PTPRK: variants seen among roughly 807,000 people sequenced by gnomAD.
The protein encoded by PTPRK is protein tyrosine phosphatase receptor type K.
In PTPRK, 75 loss-of-function variants were observed where a neutral mutation model predicts 178.0. The observed-to-expected ratio is 0.42, with a 90% CI of 0.35 to 0.51. The LOEUF is 0.51. PTPRK is among the 20% of genes least tolerant of loss of function. The pLI is 0.02. For synonymous variants in PTPRK, 637 were observed against 620.6 expected (o/e 1.03, Z -0.39); for missense variants, 1,441 against 1,797.8 (o/e 0.80, Z 3.59).
intron 14 of PTPRK, chr6:128,007,933 T>C: frequency 1.6e-6 from 1 of 619,872 alleles, no homozygotes; most frequent in Non-Finnish European, 2.6e-6. Context: ...TTAAAACTTT[T>C]GCCTCACATA....
At chr6:128,384,449 A>G (rs1838400928) in intron 2 of PTPRK, among the ~76,000 whole-genome samples, 1 of 152,142 alleles carries the variant, frequency 6.6e-6, no homozygotes. Flanking sequence ...TATGTAAATC[A>G]GGGGTGTCCA....
chr6:127,984,271 A>C (rs1368921607), intron 22 of PTPRK, among the ~76,000 whole-genome samples: 1 of 152,148 alleles, frequency 6.6e-6, no homozygotes, highest in Non-Finnish European at 1.5e-5. Context: ...GCTCTCTCAA[A>C]CTAAACATTA....
chr6:128,013,971 T>A (rs543134313), intron 13 of PTPRK, among the ~76,000 whole-genome samples: 1 of 151,628 alleles, frequency 6.6e-6, no homozygotes, highest in South Asian at 2.1e-4. Context: ...GCTGTTAAGG[T>A]AAAGCCCATG....
At chr6:128,411,650 G>A (rs1178793827) in intron 1 of PTPRK, among the ~76,000 whole-genome samples, 1 of 152,036 alleles carries the variant, frequency 6.6e-6, no homozygotes, top group East Asian at 1.9e-4. Flanking sequence ...ATCTCAAAGG[G>A]GACTAATGAA....
At chr6:128,323,160 A>G (rs1332747220) in intron 2 of PTPRK, among the ~76,000 whole-genome samples, 1 of 152,020 alleles carries the variant, frequency 6.6e-6, no homozygotes, top group Non-Finnish European at 1.5e-5. Context: ...ATAGAGTCCC[A>G]CTCTCATAGC....
At chr6:128,001,248 A>G (rs1357631675) in intron 15 of PTPRK, 5 of 1,489,336 alleles carry the variant, frequency 3.4e-6, no homozygotes, top group Non-Finnish European at 3.6e-6. Flanking sequence ...AACCAAAAAT[A>G]CGAATCAGTA....
At chr6:128,046,084 C>T (rs1340610630) in intron 13 of PTPRK, among the ~76,000 whole-genome samples, 1 of 152,104 alleles carries the variant, frequency 6.6e-6, no homozygotes, top group East Asian at 1.9e-4. Context: ...TAACAAAAGT[C>T]AGTTCTAAGT....
chr6:128,517,226 T>C (rs1306163565), intron 1 of PTPRK, among the ~76,000 whole-genome samples: 1 of 152,060 alleles, frequency 6.6e-6, no homozygotes, highest in Non-Finnish European at 1.5e-5. Context: ...CACAGTGCTT[T>C]ACAATTTACA....
intron 3 of PTPRK, among the ~76,000 whole-genome samples, chr6:128,248,521 G>A (rs1394115289): frequency 1.3e-5 from 2 of 152,100 alleles, no homozygotes; most frequent in Non-Finnish European, 2.9e-5. Context: ...GAAGTACATG[G>A]CATCACAAAA....
At chr6:128,069,829 T>A (rs1276176165) in intron 11 of PTPRK, among the ~76,000 whole-genome samples, 1 of 152,090 alleles carries the variant, frequency 6.6e-6, no homozygotes, top group East Asian at 1.9e-4. Context: ...AGACAGCTTG[T>A]CTATCTAGAT....
At chr6:128,160,439 G>GACT (rs1419190726) in intron 7 of PTPRK, among the ~76,000 whole-genome samples, 2 of 151,666 alleles carry the variant, frequency 1.3e-5, no homozygotes, top group African/African-American at 2.4e-5. Context: ...GAGAAAAGAG[G>GACT]ACTATAAGAT....
intron 1 of PTPRK, among the ~76,000 whole-genome samples, chr6:128,402,253 GTTTTTGTT>G (rs1841119888): frequency 1.8e-5 from 1 of 56,504 alleles, no homozygotes; most frequent in Non-Finnish European, 4.1e-5. Flanking sequence ...TTGTTTGTTT[GTTTTTGTT>G]TTTGTTTTTG....
At chr6:128,059,509 T>A (rs894963112) in intron 13 of PTPRK, among the ~76,000 whole-genome samples, 2 of 152,150 alleles carry the variant, frequency 1.3e-5, no homozygotes, top group African/African-American at 4.8e-5. Flanking sequence ...GGATTATAAG[T>A]TAGTTCCCTT....
chr6:128,048,313 C>T (rs552935407), intron 13 of PTPRK, among the ~76,000 whole-genome samples: 16 of 150,982 alleles, frequency 1.1e-4, no homozygotes, highest in Admixed American at 9.8e-4. Context: ...CCAAGTGATT[C>T]TGACTTAAGC....
At chr6:128,433,022 G>T (rs1845037874) in intron 1 of PTPRK, among the ~76,000 whole-genome samples, 1 of 151,666 alleles carries the variant, frequency 6.6e-6, no homozygotes, top group South Asian at 2.1e-4. Flanking sequence ...ATAGTTATGT[G>T]GTACATGTGA....
chr6:127,983,341 A>T lies in PTPRK; in HGVS notation c.3288T>A (p.Ile1096=). 3 of 1,613,784 alleles carry T rather than the reference A, an allele frequency of 1.9e-6. No individual in the cohort carries two copies. Among genetic ancestry groups the T allele is most frequent in the Non-Finnish European group, 2.5e-6 (3 of 1,179,754 alleles). The change falls in exon 23 of 30, where the codon ATT becomes ATA. Residue 1096 remains isoleucine (I), a synonymous_variant. Transcript: ENST00000368226. ...GAGRTGCYIV[I]DIMLDMAERE... The stretch of plus-strand genomic sequence containing the variant: ...TTTCAGCCATGTCTAGCATGATGTC[A>T]ATCACAATGTAGCAGCCAGTTCGTC...
intron 2 of PTPRK, among the ~76,000 whole-genome samples, chr6:128,393,381 G>A (rs768268902): frequency 1.3e-5 from 2 of 152,066 alleles, no homozygotes; most frequent in Admixed American, 6.5e-5. Flanking sequence ...GAGCCACCAC[G>A]CCCGGCTGTT....
At chr6:128,470,382 C>T (rs535659103) in intron 1 of PTPRK, among the ~76,000 whole-genome samples, 5 of 149,048 alleles carry the variant, frequency 3.4e-5, no homozygotes, top group East Asian at 1.9e-4. Flanking sequence ...TCTATGAAAT[C>T]GTTTTCTTAA....
intron 3 of PTPRK, among the ~76,000 whole-genome samples, chr6:128,314,409 AAAAT>A (rs2128317669): frequency 6.6e-6 from 1 of 152,344 alleles, no homozygotes; most frequent in African/African-American, 2.4e-5. Flanking sequence ...CCAAATGGAT[AAAAT>A]AAATAAGTCA....
Sources: gnomAD v4.1 joint callset for allele counts (sites outside exome capture counted in the v4.1 genomes callset) on GRCh38, gnomAD v4.1.1 for gene constraint, MANE v1.5 for transcripts, NCBI Gene and HGNC (gene_info 2026-07-23, HGNC 2026-07-21) for gene names.